The following DNM3 variants were observed in gnomAD, a reference collection of about 807,000 sequenced individuals.
The protein encoded by DNM3 is dynamin-3.
Under a neutral mutation model 101.6 loss-of-function variants are expected in DNM3, and 47 were observed. The observed-to-expected ratio is 0.46, with a 90% CI of 0.37 to 0.59. DNM3 has a LOEUF of 0.59. Ranked by LOEUF, DNM3 falls within the 20% of genes least tolerant of loss-of-function variation. The pLI, the probability that DNM3 is intolerant of heterozygous loss-of-function variation, is 0.00. For missense variants in DNM3, 849 were observed against 1,085.7 expected, an observed-to-expected ratio of 0.78 and a Z score of 3.06; for synonymous variants, 385 against 387.9, an observed-to-expected ratio of 0.99 and a Z score of 0.09.
At chr1:172,299,498 T>C (rs925444242) in intron 15 of DNM3, among the ~76,000 whole-genome samples, 1 of 152,186 alleles carries the variant, frequency 6.6e-6, no homozygotes, top group Non-Finnish European at 1.5e-5. Flanking sequence ...GTGGTGAGCA[T>C]AGTACCCAGT....
At chr1:172,300,314 AT>A (rs1193863306) in intron 15 of DNM3, among the ~76,000 whole-genome samples, 1 of 152,036 alleles carries the variant, frequency 6.6e-6, no homozygotes, top group Non-Finnish European at 1.5e-5. Flanking sequence ...TAATTTGTAA[AT>A]ATTTTCTCCC....
intron 14 of DNM3, among the ~76,000 whole-genome samples, chr1:172,220,681 G>A (rs1393869898): frequency 1.3e-5 from 2 of 152,148 alleles, no homozygotes; most frequent in African/African-American, 4.8e-5. Flanking sequence ...AAATAAGATG[G>A]GAAGGGAAAG....
At chr1:172,016,752 A>G (rs989761883) in intron 4 of DNM3, among the ~76,000 whole-genome samples, 1 of 152,130 alleles carries the variant, frequency 6.6e-6, no homozygotes, top group African/African-American at 2.4e-5. Flanking sequence ...GAAGGTTATT[A>G]TTAATTTAAT....
intron 15 of DNM3, among the ~76,000 whole-genome samples, chr1:172,303,608 A>C (rs544899796): frequency 6.6e-6 from 1 of 152,204 alleles, no homozygotes; most frequent in Non-Finnish European, 1.5e-5. Context: ...TAAAGGAAAA[A>C]ATGTTAAGGG....
At chr1:172,050,985 C>G (rs570404531) in intron 10 of DNM3, among the ~76,000 whole-genome samples, 1 of 152,236 alleles carries the variant, frequency 6.6e-6, no homozygotes, top group East Asian at 1.9e-4. Flanking sequence ...TTTTTGGCTT[C>G]TATTCTTGCT....
At chr1:172,246,870 T>C (rs16844133) in intron 14 of DNM3, among the ~76,000 whole-genome samples, 25,187 of 152,152 alleles carry the variant, frequency 0.17, 2,438 homozygotes, top group East Asian at 0.24. Context: ...CCCAGGATAA[T>C]GTCTCCAGTT....
Position 172,307,850 on chromosome 1 carries a change from C to T in DNM3, c.1770-878C>T, listed in dbSNP as rs139032252. On this transcript the variant is annotated intron_variant, in intron 15 of 20. Coordinates refer to ENST00000627582, the MANE Select transcript of DNM3 (RefSeq NM_015569.5). Reference sequence around the variant, plus strand: ...GAATACTTGGACACAGGGTGGGGAACATTACACACCAGGGCCTGTCATAGG... The same window carrying T: ...GAATACTTGGACACAGGGTGGGGAATATTACACACCAGGGCCTGTCATAGG... Among the ~76,000 whole-genome samples the T allele has an allele frequency of 6.8e-3, 1,023 of 151,184 alleles. 9 individuals are homozygous for T. Among genetic ancestry groups the T allele is most frequent in the African/African-American group, 0.023 (955 of 41,288 alleles).
chr1:172,118,644 T>G (rs1244203172), intron 13 of DNM3, among the ~76,000 whole-genome samples: 1 of 152,122 alleles, frequency 6.6e-6, no homozygotes, highest in Non-Finnish European at 1.5e-5. Context: ...CAGACTTACA[T>G]GGGAAAATTT....
At chr1:171,885,736 ATGG>A (rs2036700123) in intron 1 of DNM3, among the ~76,000 whole-genome samples, 1 of 152,106 alleles carries the variant, frequency 6.6e-6, no homozygotes, top group Non-Finnish European at 1.5e-5. Flanking sequence ...CTCTGCCTAA[ATGG>A]GCTCAAGCTG....
chr1:172,389,900 G>T (rs1160039348), intron 20 of DNM3, among the ~76,000 whole-genome samples: 2 of 152,212 alleles, frequency 1.3e-5, no homozygotes, highest in Admixed American at 6.5e-5. Flanking sequence ...ATAGGCAGGA[G>T]ATTTGCAGTC....
rs866920378 is a variant in DNM3 at position 172,410,048 on chromosome 1, T to G, written c.*2207T>G. 3 of 985,634 alleles carry G rather than the reference T, an allele frequency of 3.0e-6. No individual in the cohort carries two copies. The highest frequency in any genetic ancestry group is 1.7e-5 in the African/African-American group (1 of 57,358). 61.1% of individuals were successfully genotyped at this position (985,634 alleles called of 1,614,324 possible). On this transcript the variant is annotated 3_prime_UTR_variant, in exon 21 of 21. Transcript: ENST00000627582. ...TTAGATTATAGTCCCACAGTTGCACTGCCCCAATTGTCTACCTTTGTGGGT... is the reference window on the plus strand; with the variant it reads ...TTAGATTATAGTCCCACAGTTGCACGGCCCCAATTGTCTACCTTTGTGGGT...
At chr1:171,881,632 A>G (rs986973955) in intron 1 of DNM3, among the ~76,000 whole-genome samples, 9 of 152,172 alleles carry the variant, frequency 5.9e-5, no homozygotes, top group Non-Finnish European at 1.0e-4. Context: ...TCATGGGTAA[A>G]ATATAATTCT....
In DNM3 at chr1:171,965,657, C is replaced by T. The variant is rs74626219; in HGVS notation, c.236-21999C>T. Among the ~76,000 whole-genome samples the T allele has an allele frequency of 7.7e-3, 1,164 of 152,136 alleles. 13 individuals are homozygous for T. Among genetic ancestry groups the T allele is most frequent in the Middle Eastern group, 0.031 (9 of 292 alleles). On this transcript the variant is annotated intron_variant, in intron 2 of 20. Transcript: ENST00000627582. ...GGTCCAGAAGGGTCTGAAGCATGAG[C>T]GCTTCTGTCCCCATGTAGTTGAGGC...
intron 15 of DNM3, among the ~76,000 whole-genome samples, chr1:172,299,036 G>A (rs2064307906): frequency 6.6e-6 from 1 of 152,192 alleles, no homozygotes; most frequent in Non-Finnish European, 1.5e-5. Context: ...GGACTGTCAG[G>A]GAAGTGATGC....
chr1:172,401,993 C>G (rs896968131), intron 20 of DNM3, among the ~76,000 whole-genome samples: 1 of 152,118 alleles, frequency 6.6e-6, no homozygotes, highest in African/African-American at 2.4e-5. Context: ...TCCATTTTAC[C>G]TAGAAGTGTG....
At chr1:172,065,136 A>T (rs893653305) in intron 10 of DNM3, among the ~76,000 whole-genome samples, 2 of 152,316 alleles carry the variant, frequency 1.3e-5, no homozygotes, top group East Asian at 1.9e-4. Flanking sequence ...CCCTGACTTA[A>T]TGATGGCCAT....
intron 2 of DNM3, among the ~76,000 whole-genome samples, chr1:171,937,240 T>C (rs902985759): frequency 1.3e-5 from 2 of 152,208 alleles, no homozygotes; most frequent in African/African-American, 4.8e-5. Context: ...AAAATTGATA[T>C]TTTAGAATAA....
At chr1:172,132,092 A>G (rs767933369) in intron 14 of DNM3, among the ~76,000 whole-genome samples, 1 of 152,172 alleles carries the variant, frequency 6.6e-6, no homozygotes, top group Non-Finnish European at 1.5e-5. Context: ...GCATGCAAAC[A>G]TTAGATAAGG....
chr1:172,063,344 T>C (rs1454928578), intron 10 of DNM3, among the ~76,000 whole-genome samples: 1 of 151,476 alleles, frequency 6.6e-6, no homozygotes, highest in African/African-American at 2.4e-5. Context: ...AATTTTTGTT[T>C]TGTTGGATAG....
Sources: gnomAD v4.1 joint callset for allele counts (sites outside exome capture counted in the v4.1 genomes callset) on GRCh38, gnomAD v4.1.1 for gene constraint, MANE v1.5 for transcripts, NCBI Gene and HGNC (gene_info 2026-07-23, HGNC 2026-07-21) for gene names.